The following SPACA6 variants were observed in gnomAD, a reference collection of about 807,000 sequenced individuals.
SPACA6 encodes the protein sperm acrosome associated 6, also known as sperm acrosome membrane-associated protein 6.
For synonymous variants in SPACA6, 6 were observed against 1.5 expected (o/e 4.05, Z -2.21); for missense variants, 8 against 2.8 (o/e 2.88, Z -1.34).
chr19:51,695,484 G>C (rs1209656185), intron 2 of SPACA6, among the ~76,000 whole-genome samples: 2 of 151,930 alleles, frequency 1.3e-5, no homozygotes, highest in Non-Finnish European at 2.9e-5. Context: ...TTCCTGCTTT[G>C]CCCTCCAAGC....
At chr19:51,705,723 A>G (rs2083512953), downstream of SPACA6, among the ~76,000 whole-genome samples, 1 of 149,934 alleles carries the variant, frequency 6.7e-6, no homozygotes, top group Middle Eastern at 3.4e-3. Flanking sequence ...TGGAGGCACC[A>G]TCTCACTCCA....
upstream of SPACA6, among the ~76,000 whole-genome samples, chr19:51,692,088 A>T (rs1600132183): frequency 6.6e-6 from 1 of 151,908 alleles, no homozygotes; most frequent in South Asian, 2.1e-4. The surrounding 1 kb of genome is among the most constrained non-coding windows in gnomAD (Gnocchi z 5.6). Flanking sequence ...AGAAGGGAGG[A>T]GAGAGGAAAG....
intron 2 of SPACA6, 39 bp from the exon 3 acceptor site, chr19:51,701,619 G>A: frequency 2.5e-6 from 1 of 398,526 alleles, no homozygotes; most frequent in Non-Finnish European, 4.4e-6. Context: ...CTGGGGGAAG[G>A]GCTTTACTAC....
chr19:51,691,484 G>A (rs924999286), upstream of SPACA6, among the ~76,000 whole-genome samples: 2 of 150,968 alleles, frequency 1.3e-5, no homozygotes, highest in African/African-American at 4.9e-5. Flanking sequence ...GAGAAGGGGA[G>A]GATGAAAGAC....
chr19:51,708,238 C>G (rs2122234629), downstream of SPACA6, among the ~76,000 whole-genome samples: 1 of 152,192 alleles, frequency 6.6e-6, no homozygotes, highest in African/African-American at 2.4e-5. Context: ...ATTAGGAGCT[C>G]TATGTAAGAC....
At chr19:51,705,306 C>T, downstream of SPACA6, 1 of 389,112 alleles carries the variant, frequency 2.6e-6, no homozygotes, top group Non-Finnish European at 4.6e-6. Flanking sequence ...CATAGCTATC[C>T]CAGTGCAAGT....
chr19:51,689,532 C>T (rs2083351701), upstream of SPACA6: 1 of 151,464 alleles, frequency 6.6e-6, no homozygotes, highest in African/African-American at 2.4e-5. Flanking sequence ...GCCTGCGGGC[C>T]CGGGGCGGCG....
chr19:51,705,662 A>G (rs2083512400), downstream of SPACA6, among the ~76,000 whole-genome samples: 1 of 151,724 alleles, frequency 6.6e-6, no homozygotes, highest in African/African-American at 2.4e-5. Flanking sequence ...TCTCCACTGT[A>G]GCCCATTCTC....
upstream of SPACA6, among the ~76,000 whole-genome samples, chr19:51,690,192 C>G (rs1051588207): frequency 1.3e-5 from 2 of 151,540 alleles, no homozygotes; most frequent in African/African-American, 4.9e-5. Flanking sequence ...CCACCCAGTC[C>G]CCCACCCATT....
chr19:51,706,113 A>T (rs962475928), downstream of SPACA6, among the ~76,000 whole-genome samples: 16 of 152,236 alleles, frequency 1.1e-4, no homozygotes, highest in African/African-American at 3.6e-4. Flanking sequence ...CAGAGGTTCC[A>T]CAGGTCTGGC....
At chr19:51,700,831 G>T (rs1260247728) in intron 2 of SPACA6, among the ~76,000 whole-genome samples, 1 of 152,206 alleles carries the variant, frequency 6.6e-6, no homozygotes, top group African/African-American at 2.4e-5. Context: ...TAGATTTGTG[G>T]TGATGGAAGG....
At chr19:51,706,288 C>A (rs2083515416), downstream of SPACA6, among the ~76,000 whole-genome samples, 1 of 152,112 alleles carries the variant, frequency 6.6e-6, no homozygotes, top group Admixed American at 6.6e-5. Flanking sequence ...ATAATATTTT[C>A]TCCTTTTTTT....
chr19:51,699,285 A>G (rs1386877095), intron 2 of SPACA6, among the ~76,000 whole-genome samples: 1 of 152,196 alleles, frequency 6.6e-6, no homozygotes, highest in East Asian at 1.9e-4. Context: ...CTGTGATTCC[A>G]GGTGCGGTAC....
At chr19:51,692,183 G>A (rs1041686843), upstream of SPACA6, among the ~76,000 whole-genome samples, 1 of 152,166 alleles carries the variant, frequency 6.6e-6, no homozygotes, top group African/African-American at 2.4e-5. This position sits in a 1 kb window ranked among gnomAD's most constrained non-coding sequence, Gnocchi z 5.6. Context: ...TGACAGGAGG[G>A]TAGGTAGGAA....
downstream of SPACA6, among the ~76,000 whole-genome samples, chr19:51,705,705 TA>T (rs2083512711): frequency 1.6e-5 from 2 of 122,906 alleles, no homozygotes; most frequent in African/African-American, 7.5e-5. Context: ...TATTTTATTT[TA>T]TTTTTTTGGA....
At chr19:51,696,471 A>G (rs1164505357) in intron 2 of SPACA6, among the ~76,000 whole-genome samples, 3 of 152,040 alleles carry the variant, frequency 2.0e-5, no homozygotes, top group African/African-American at 7.3e-5. Flanking sequence ...TTTTTGAGAT[A>G]GGGTCTCACT....
At chr19:51,706,174 C>G (rs4802844), downstream of SPACA6, among the ~76,000 whole-genome samples, 49,523 of 151,936 alleles carry the variant, frequency 0.33, 8,413 homozygotes, top group African/African-American at 0.41. Context: ...CCTCCTTGAT[C>G]TTGCCACCCT....
At position 51,705,105 on chromosome 19, in the gene SPACA6, G is replaced by T. The variant is rs1042585943; in HGVS notation, c.957G>T (p.Trp319Cys). 1 of 401,238 alleles carries T rather than the reference G, an allele frequency of 2.5e-6. No homozygotes were observed. Among genetic ancestry groups the T allele is most frequent in the Non-Finnish European group, 4.4e-6 (1 of 226,284 alleles). The allele number at this position is 401,238 out of a possible 1,614,324, so 24.9% of individuals were successfully genotyped here. ...GTTTCCCCAGGATGTTCTTTCGATG[G>T]TACTGCAGTGGCAACTAACAAAGGT... ...ATVLAWMFFR[W>C]YCSGN is the part of the protein sequence containing the mutation. Residue 319 changes from tryptophan (W) to cysteine (C), a missense_variant, in exon 9 of 9, where the codon TGG (tryptophan) becomes TGT (cysteine). Physicochemically the swap from Trp to Cys is radical, Grantham distance 215. Transcript: ENST00000637797.
rs1212349262 is a variant in SPACA6, at chr19:51,710,981, G to A, written n.200-1052G>A. Among the ~76,000 whole-genome samples, 4 of 152,330 alleles carry A rather than the reference G, an allele frequency of 2.6e-5. No individual in the cohort carries two copies. In the East Asian group the frequency reaches 7.7e-4, roughly 29 times the overall value. Reference sequence around the variant, plus strand: ...TGTAATCCCAGCTACTTGGGAGGCTGAGGCAGGAGAATTGCTTGAACCTGG... The same window carrying A: ...TGTAATCCCAGCTACTTGGGAGGCTAAGGCAGGAGAATTGCTTGAACCTGG... On this transcript the variant is annotated intron_variant and non_coding_transcript_variant, in intron 2 of 2. Transcript: ENST00000573896.
Sources: gnomAD v4.1 joint callset for allele counts (sites outside exome capture counted in the v4.1 genomes callset) on GRCh38, gnomAD v4.1.1 for gene constraint, Gnocchi (gnomAD v3.1) non-coding constraint, MANE v1.5 for transcripts, NCBI Gene and HGNC (gene_info 2026-07-23, HGNC 2026-07-21) for gene names.